ASTN2: variants seen among roughly 807,000 people sequenced by gnomAD.
The protein encoded by ASTN2 is astrotactin-2.
In ASTN2, 54 loss-of-function variants were observed where a neutral mutation model predicts 139.8. That is an observed-to-expected ratio of 0.39 (90% CI 0.31 to 0.48). ASTN2 has a LOEUF of 0.48. Among genes scored for constraint, ASTN2 ranks in the 20% least tolerant of loss-of-function variants. The pLI, the probability that ASTN2 is intolerant of heterozygous loss-of-function variation, is 0.95. For synonymous variants in ASTN2, 756 were observed against 719.5 expected (o/e 1.05, Z -0.81); for missense variants, 1,565 against 1,725.1 (o/e 0.91, Z 1.64).
At chr9:117,317,818 ACAGGTCAGTGCACTGG>A (rs1828195115) in intron 1 of ASTN2, among the ~76,000 whole-genome samples, 1 of 152,170 alleles carries the variant, frequency 6.6e-6, no homozygotes, top group Non-Finnish European at 1.5e-5. Flanking sequence ...CAGTGCACTC[ACAGGTCAGTGCACTGG>A]CAGGTCCCTG....
chr9:116,979,090 A>G (rs2132531511), intron 7 of ASTN2, among the ~76,000 whole-genome samples: 1 of 152,318 alleles, frequency 6.6e-6, no homozygotes, highest in East Asian at 1.9e-4. Flanking sequence ...TGAGTGTTTA[A>G]AAACACTGTA....
At chr9:116,445,381 C>T (rs1000850154) in intron 20 of ASTN2, among the ~76,000 whole-genome samples, 6 of 152,060 alleles carry the variant, frequency 3.9e-5, no homozygotes, top group Non-Finnish European at 7.4e-5. Context: ...TTAGAAGAGA[C>T]GTATTTCAAC....
intron 5 of ASTN2, among the ~76,000 whole-genome samples, chr9:117,062,074 G>A (rs901218783): frequency 7.2e-5 from 11 of 152,200 alleles, no homozygotes; most frequent in African/African-American, 2.7e-4. Flanking sequence ...TGAATTTGAA[G>A]GATGGGTCTT....
intron 19 of ASTN2, among the ~76,000 whole-genome samples, chr9:116,508,651 T>G (rs1377423180): frequency 6.6e-6 from 1 of 152,190 alleles, no homozygotes; most frequent in Non-Finnish European, 1.5e-5. Flanking sequence ...TAGTTTTGCC[T>G]TATAGATGAG....
intron 19 of ASTN2, among the ~76,000 whole-genome samples, chr9:116,594,250 A>G (rs1029460449): frequency 2.0e-4 from 31 of 152,168 alleles, no homozygotes; most frequent in African/African-American, 7.5e-4. Flanking sequence ...GGTCCTGTTC[A>G]TGATCCTTCA....
chr9:116,746,874 C>T (rs905654953), intron 13 of ASTN2, among the ~76,000 whole-genome samples: 2 of 152,132 alleles, frequency 1.3e-5, no homozygotes, highest in Admixed American at 6.5e-5. Context: ...CTGCTGTGCA[C>T]CCAGCCCTAA....
At chr9:116,471,055 G>T (rs182669639) in intron 20 of ASTN2, among the ~76,000 whole-genome samples, 44 of 152,218 alleles carry the variant, frequency 2.9e-4, no homozygotes, top group African/African-American at 1.1e-3. Flanking sequence ...TTTTTAAATT[G>T]ATTTAATATC....
intron 1 of ASTN2, among the ~76,000 whole-genome samples, chr9:117,359,261 G>C (rs1409445779): frequency 6.6e-6 from 1 of 152,094 alleles, no homozygotes; most frequent in Non-Finnish European, 1.5e-5. Flanking sequence ...AAACCTTAAT[G>C]GTTGTTTTGA....
intron 5 of ASTN2, among the ~76,000 whole-genome samples, chr9:117,086,067 A>G (rs1828552384): frequency 6.6e-6 from 1 of 152,206 alleles, no homozygotes; most frequent in Non-Finnish European, 1.5e-5. Context: ...AGGACAGAAC[A>G]GCATAGAGAT....
At chr9:116,536,571 A>G (rs956383032) in intron 19 of ASTN2, among the ~76,000 whole-genome samples, 3 of 152,182 alleles carry the variant, frequency 2.0e-5, no homozygotes. Flanking sequence ...TTTTCCTTCT[A>G]ACAGTCAGGA....
At chr9:116,759,887 G>A (rs909152591) in intron 13 of ASTN2, among the ~76,000 whole-genome samples, 3 of 152,030 alleles carry the variant, frequency 2.0e-5, no homozygotes, top group East Asian at 1.9e-4. Context: ...TGCTCAGCAC[G>A]TATTTATGAA....
At chr9:117,166,323 T>C (rs1830669675) in intron 3 of ASTN2, among the ~76,000 whole-genome samples, 1 of 152,096 alleles carries the variant, frequency 6.6e-6, no homozygotes, top group Non-Finnish European at 1.5e-5. Context: ...GTCTCTCTCC[T>C]CTTCAGTCTC....
At chr9:117,269,349 A>AT (rs1288539489) in intron 2 of ASTN2, among the ~76,000 whole-genome samples, 2 of 152,156 alleles carry the variant, frequency 1.3e-5, no homozygotes, top group African/African-American at 4.8e-5. Flanking sequence ...TTAAAGACAA[A>AT]TTTCCCCCAA....
intron 17 of ASTN2, among the ~76,000 whole-genome samples, chr9:116,630,530 A>C (rs902454414): frequency 6.6e-6 from 1 of 152,148 alleles, no homozygotes; most frequent in Non-Finnish European, 1.5e-5. Flanking sequence ...GCACATGACA[A>C]ATTCTTAGGA....
chr9:116,535,309 T>C (rs2119316269), intron 19 of ASTN2, among the ~76,000 whole-genome samples: 1 of 152,296 alleles, frequency 6.6e-6, no homozygotes, highest in Non-Finnish European at 1.5e-5. Context: ...TCTTGACTCT[T>C]TGTCCAATTT....
At chr9:116,642,301 C>A (rs1857382705) in intron 17 of ASTN2, among the ~76,000 whole-genome samples, 1 of 151,864 alleles carries the variant, frequency 6.6e-6, no homozygotes, top group Admixed American at 6.6e-5. Flanking sequence ...TTCTGCTGTA[C>A]TTTTTTTGTA....
At chr9:116,486,162 C>T (rs866733705) in intron 20 of ASTN2, among the ~76,000 whole-genome samples, 14 of 152,186 alleles carry the variant, frequency 9.2e-5, no homozygotes, top group African/African-American at 3.4e-4. Flanking sequence ...AGATTTGAAT[C>T]CATAGTCTGT....
intron 16 of ASTN2, among the ~76,000 whole-genome samples, chr9:116,667,979 T>C (rs1016214603): frequency 2.0e-5 from 3 of 152,066 alleles, no homozygotes; most frequent in African/African-American, 4.8e-5. Context: ...ATTCTATGGG[T>C]TTGTACAAAT....
Position 116,680,553 on chromosome 9 carries a change from C to T in ASTN2, c.2807-28760G>A, listed in dbSNP as rs569121419. Among the ~76,000 whole-genome samples, 47 of 152,230 alleles carry T rather than the reference C, an allele frequency of 3.1e-4. 1 individual carries two copies. The South Asian group carries it at 6.2e-3, about 20-fold the overall frequency. On this transcript the variant is annotated intron_variant, in intron 16 of 22. Transcript: ENST00000313400. ...GCCAGCATCATCCTGATACCAAAGCCGGGCAGAGACACAACCAAAAAGGAG... is the reference window on the plus strand; with the variant it reads ...GCCAGCATCATCCTGATACCAAAGCTGGGCAGAGACACAACCAAAAAGGAG...
Sources: allele counts gnomAD v4.1 joint callset (sites outside exome capture counted in the v4.1 genomes callset), GRCh38; gene constraint gnomAD v4.1.1; transcripts MANE v1.5; gene names NCBI Gene and HGNC (gene_info 2026-07-23, HGNC 2026-07-21).